HTR2C: variants seen among roughly 807,000 people sequenced by gnomAD.
The protein encoded by HTR2C is 5-hydroxytryptamine (serotonin) receptor 2C, G protein-coupled.
A neutral mutation model predicts 21.0 loss-of-function variants in HTR2C; 5 were observed. The observed-to-expected ratio is 0.24, with a 90% CI of 0.12 to 0.50. The LOEUF (loss-of-function observed/expected upper bound fraction) is 0.50, where lower values mean the gene tolerates loss of function less well. HTR2C is among the 20% of genes least tolerant of loss of function. HTR2C has a pLI of 0.98. For synonymous variants in HTR2C, 150 were observed against 145.3 expected (o/e 1.03, Z -0.23); for missense variants, 271 against 371.2 (o/e 0.73, Z 2.22).
At chrX:114,627,985 C>T (rs1929446709) in intron 2 of HTR2C, among the ~76,000 whole-genome samples, 1 of 111,200 alleles carries the variant, frequency 9.0e-6, no homozygotes, top group Non-Finnish European at 1.9e-5. Flanking sequence ...ACTGGAATGC[C>T]TAGTGGATCC....
At position 114,807,020 on chromosome X, in the gene HTR2C, CATATATACCATATACACCAT is replaced by C. The variant is rs1406466686; in HGVS notation, c.350-40968_350-40949del. ...TATACCATATATATCACATATATAC[CATATATACCATATACACCAT>C]ATATATACCATATATACACCATATA... On this transcript the variant is annotated intron_variant, in intron 4 of 5. Coordinates refer to ENST00000276198, the MANE Select transcript of HTR2C (RefSeq NM_000868.4). Among the ~76,000 whole-genome samples the C allele has an allele frequency of 2.5e-4, 12 of 48,977 alleles. 3 individuals are homozygous for C. The highest frequency in any genetic ancestry group is 4.5e-4 in the Non-Finnish European group (11 of 24,402). The allele number at this position is 48,977 out of a possible 115,157, so 42.5% of individuals were successfully genotyped here.
At chrX:114,670,003 C>T (rs1165688826) in intron 2 of HTR2C, among the ~76,000 whole-genome samples, 2 of 111,538 alleles carry the variant, frequency 1.8e-5, no homozygotes, top group Non-Finnish European at 1.9e-5. Flanking sequence ...CTTTGGGAGG[C>T]CAAGGCGGGA....
chrX:114,612,614 A>C (rs1192413799), intron 1 of HTR2C, among the ~76,000 whole-genome samples: 1 of 112,423 alleles, frequency 8.9e-6, no homozygotes, highest in Admixed American at 9.4e-5. Flanking sequence ...TCTGTGGATG[A>C]AATACTATTT....
chrX:114,806,576 T>C (rs200399352), intron 4 of HTR2C, among the ~76,000 whole-genome samples: 1 of 3,996 alleles, frequency 2.5e-4, no homozygotes, highest in Non-Finnish European at 3.9e-4. Context: ...ACATCATATA[T>C]ATCATATATA....
intron 2 of HTR2C, among the ~76,000 whole-genome samples, chrX:114,711,602 T>A (rs956207415): frequency 4.5e-5 from 5 of 111,941 alleles, no homozygotes; most frequent in Non-Finnish European, 7.5e-5. Context: ...AATAAATGCA[T>A]TGAATAAGTG....
chrX:114,901,910 G>A (rs1393931314), intron 5 of HTR2C, among the ~76,000 whole-genome samples: 1 of 110,782 alleles, frequency 9.0e-6, no homozygotes, highest in Non-Finnish European at 1.9e-5. Flanking sequence ...TATAACAATT[G>A]TGAAATATGT....
chrX:114,897,619 A>T (rs2071306607), intron 5 of HTR2C, among the ~76,000 whole-genome samples: 1 of 111,597 alleles, frequency 9.0e-6, no homozygotes, highest in African/African-American at 3.3e-5. Flanking sequence ...ATGTGTTCTC[A>T]TGATTCAGCT....
At chrX:114,720,747 A>C (rs1933168648) in intron 2 of HTR2C, among the ~76,000 whole-genome samples, 1 of 25,216 alleles carries the variant, frequency 4.0e-5, no homozygotes, top group African/African-American at 1.1e-4. Context: ...ATTCCCACCT[A>C]TGAGTGAGAA....
At chrX:114,788,258 CTT>C (rs1368784731) in intron 4 of HTR2C, among the ~76,000 whole-genome samples, 9 of 110,585 alleles carry the variant, frequency 8.1e-5, no homozygotes, top group Admixed American at 7.8e-4. Flanking sequence ...AGTATGGATT[CTT>C]TTTTATTTTT....
intron 4 of HTR2C, among the ~76,000 whole-genome samples, chrX:114,780,595 A>G (rs1556440319): frequency 9.0e-6 from 1 of 111,398 alleles, no homozygotes; most frequent in Non-Finnish European, 1.9e-5. Context: ...GGGAGGAGTA[A>G]ACCTGTCCCT....
intron 1 of HTR2C, among the ~76,000 whole-genome samples, chrX:114,588,437 G>C (rs902741422): frequency 1.8e-5 from 2 of 111,575 alleles, no homozygotes; most frequent in Admixed American, 1.9e-4. Flanking sequence ...ATTGTCCAGT[G>C]CAACAGCCAC....
intron 4 of HTR2C, among the ~76,000 whole-genome samples, chrX:114,786,574 GCTGCAAGCAATCTAA>G (rs200563347): frequency 0.016 from 1,736 of 111,555 alleles, 37 homozygotes; most frequent in Admixed American, 0.093. Context: ...CTTAATTGTG[GCTGCAAGCAATCTAA>G]CACCAAACCT....
chrX:114,614,596 G>T (rs1419400457), intron 2 of HTR2C, among the ~76,000 whole-genome samples: 1 of 111,108 alleles, frequency 9.0e-6, no homozygotes, highest in Non-Finnish European at 1.9e-5. Flanking sequence ...CATGATTGGG[G>T]TGTAGGAAAT....
At chrX:114,644,362 A>AATAAATAAATATATAT (rs1411395120) in intron 2 of HTR2C, among the ~76,000 whole-genome samples, 1 of 38,240 alleles carries the variant, frequency 2.6e-5, no homozygotes, top group East Asian at 8.0e-4. Flanking sequence ...TAAATAAATA[A>AATAAATAAATATATAT]ATATATATAT....
intron 4 of HTR2C, among the ~76,000 whole-genome samples, chrX:114,829,746 C>T (rs903749570): frequency 2.7e-5 from 3 of 111,357 alleles, no homozygotes; most frequent in African/African-American, 6.5e-5. Context: ...TGTTGTTTTC[C>T]ATTGGAAGGT....
At chrX:114,636,750 T>C (rs1425574730) in intron 2 of HTR2C, among the ~76,000 whole-genome samples, 1 of 112,074 alleles carries the variant, frequency 8.9e-6, no homozygotes, top group Non-Finnish European at 1.9e-5. Context: ...GTCATGAAGC[T>C]AGCAGTAGGG....
chrX:114,807,407 TAC>T (rs1241109642), intron 4 of HTR2C, among the ~76,000 whole-genome samples: 10 of 93,821 alleles, frequency 1.1e-4, no homozygotes, highest in Non-Finnish European at 1.5e-4. Context: ...ACCATATATA[TAC>T]GCCATATCTA....
At chrX:114,793,375 T>A (rs1490005635) in intron 4 of HTR2C, among the ~76,000 whole-genome samples, 2 of 111,832 alleles carry the variant, frequency 1.8e-5, no homozygotes, top group African/African-American at 6.5e-5. Context: ...GTTACTGATC[T>A]AATCTCTATA....
chrX:114,907,229 G>C lies in HTR2C; in HGVS notation c.1191G>C (p.Gln397His), dbSNP rs1039799135. ...YKVEKKPPVR[Q>H]IPRVAATALS... Reference sequence around the variant, plus strand: ...TAGAGAAAAAGCCTCCTGTCAGGCAGATTCCAAGAGTTGCCGCCACTGCTT... The same window carrying C: ...TAGAGAAAAAGCCTCCTGTCAGGCACATTCCAAGAGTTGCCGCCACTGCTT... The change falls in exon 6 of 6, where the codon CAG becomes CAC. Residue 397 changes from glutamine (Q) to histidine (H), a missense_variant. Transcript: ENST00000276198. 9.1e-6 allele frequency: 11 copies of C among 1,209,769 alleles called. No homozygotes were observed. The African/African-American group carries it at 1.9e-4, about 21-fold the overall frequency.
Sources: allele counts gnomAD v4.1 joint callset (sites outside exome capture counted in the v4.1 genomes callset), GRCh38; gene constraint gnomAD v4.1.1; transcripts MANE v1.5; gene names NCBI Gene and HGNC (gene_info 2026-07-23, HGNC 2026-07-21).